Variants in DNAJC5 observed in about 807,000 individuals in gnomAD.
The protein encoded by DNAJC5 is dnaJ homolog subfamily C member 5.
Under a neutral mutation model 23.2 loss-of-function variants are expected in DNAJC5, and 1 was observed. That is an observed-to-expected ratio of 0.04 (90% CI 0.02 to 0.20). DNAJC5 has a LOEUF of 0.20. Among genes scored for constraint, DNAJC5 ranks in the 10% least tolerant of loss-of-function variants. DNAJC5 has a pLI of 1.00. For synonymous variants in DNAJC5, 136 were observed against 120.0 expected, an observed-to-expected ratio of 1.13 and a Z score of -0.87; for missense variants, 180 against 267.0, an observed-to-expected ratio of 0.67 and a Z score of 2.27.
chr20:63,913,552 A>G (rs747891525), intron 1 of DNAJC5, among the ~76,000 whole-genome samples: 1 of 150,364 alleles, frequency 6.7e-6, no homozygotes, highest in Non-Finnish European at 1.5e-5. Flanking sequence ...GTGCACTACC[A>G]TACCTGGCTG....
At chr20:63,908,946 AC>A (rs1197570440) in intron 1 of DNAJC5, 1 of 151,938 alleles carries the variant, frequency 6.6e-6, no homozygotes, top group Non-Finnish European at 1.5e-5. Flanking sequence ...TATTAAAAAT[AC>A]AAAAATCATA....
At position 63,929,699 on chromosome 20, in the gene DNAJC5, G is replaced by T. The variant is rs1485535325; in HGVS notation, c.321+174G>T. ...CCGTGCGGGCACCCGAGTCACTCCT[G>T]CCGTGCGGGCGCCCGAGTCACTCCT... On this transcript the variant is annotated intron_variant, in intron 3 of 4. Coordinates refer to ENST00000360864, the MANE Select transcript of DNAJC5 (RefSeq NM_025219.3). The surrounding 1 kb of genome is among the most constrained non-coding windows in gnomAD (Gnocchi z 8.6). 1.3e-5 allele frequency among the ~76,000 whole-genome samples: 2 copies of T among 149,236 alleles called. No individual in the cohort carries two copies. The highest frequency in any genetic ancestry group is 3.0e-5 in the Non-Finnish European group (2 of 67,440).
Position 63,933,158 on chromosome 20 carries a change from T to G in DNAJC5, c.*1590T>G, listed in dbSNP as rs1233250967. On this transcript the variant is annotated 3_prime_UTR_variant, in exon 5 of 5. Coordinates refer to ENST00000360864, the MANE Select transcript of DNAJC5 (RefSeq NM_025219.3). ...AGGAGGAGGCTGTGTGTGATGGCTC[T>G]GGCTCGGACCAACCAGATGAGCCTC... 1 of 152,532 alleles carries G rather than the reference T, an allele frequency of 6.6e-6. No individual in the cohort carries two copies. The highest frequency in any genetic ancestry group is 1.5e-5 in the Non-Finnish European group (1 of 68,158). 9.4% of individuals were successfully genotyped at this position (152,532 alleles called of 1,614,324 possible). A position where few individuals can be genotyped will look rare whatever the true frequency, so the allele number is the denominator to read the frequency against.
intron 1 of DNAJC5, among the ~76,000 whole-genome samples, chr20:63,912,303 CAAAAAAAAAA>C (rs1053866580): frequency 1.1e-5 from 1 of 92,380 alleles, no homozygotes; most frequent in African/African-American, 4.0e-5. Context: ...AATCGGTCTC[CAAAAAAAAAA>C]AAAAAAGAGT....
In DNAJC5 at chr20:63,928,865, G is replaced by C. The variant is rs189094679; in HGVS notation, c.107+413G>C. Among the ~76,000 whole-genome samples, 253 of 152,292 alleles carry C rather than the reference G, an allele frequency of 1.7e-3. No homozygotes were observed. Among genetic ancestry groups the C allele is most frequent in the Middle Eastern group, 6.8e-3 (2 of 294 alleles). On this transcript the variant is annotated intron_variant, in intron 2 of 4. Coordinates refer to ENST00000360864, the MANE Select transcript of DNAJC5 (RefSeq NM_025219.3). This position sits in a 1 kb window ranked among gnomAD's most constrained non-coding sequence, Gnocchi z 4.6. ...CTGCACTCTTGGGTACAGTTTCATT[G>C]AGTAACCTGTAAGAGACACCATCAC...
chr20:63,915,164 C>T (rs543707330), intron 1 of DNAJC5, among the ~76,000 whole-genome samples: 1 of 152,200 alleles, frequency 6.6e-6, no homozygotes, highest in East Asian at 1.9e-4. Flanking sequence ...TTGCCAAGCC[C>T]AGGCCAACTC....
chr20:63,931,040 G>T lies in DNAJC5; in HGVS notation c.493+18G>T. The T allele has an allele frequency of 1.2e-6, 2 of 1,612,720 alleles. No individual in the cohort carries two copies. The highest frequency in any genetic ancestry group is 1.1e-5 in the South Asian group (1 of 91,062). On this transcript the variant is annotated intron_variant, in intron 4 of 4. Transcript: ENST00000360864. This position sits in a 1 kb window ranked among gnomAD's most constrained non-coding sequence, Gnocchi z 9.6. The stretch of plus-strand genomic sequence containing the variant: ...CGAGAGGGGTGAGTGCCCGCCCCAG[G>T]GCCCGTGTGTGTGTGTGGGGCAGAG...
intron 1 of DNAJC5, among the ~76,000 whole-genome samples, chr20:63,910,912 G>T (rs922480079): frequency 5.3e-5 from 8 of 152,082 alleles, no homozygotes; most frequent in Non-Finnish European, 1.2e-4. Context: ...CTCATGATCC[G>T]CCTGCCTTGG....
chr20:63,903,536 T>A (rs1367410193), intron 1 of DNAJC5, among the ~76,000 whole-genome samples: 1 of 152,166 alleles, frequency 6.6e-6, no homozygotes, highest in Non-Finnish European at 1.5e-5. Flanking sequence ...CTCGATCTCT[T>A]GACCTCATGG....
At chr20:63,912,689 C>T (rs1346841407) in intron 1 of DNAJC5, among the ~76,000 whole-genome samples, 1 of 152,174 alleles carries the variant, frequency 6.6e-6, no homozygotes, top group Non-Finnish European at 1.5e-5. Context: ...CTCACTGCAA[C>T]CTCCAACTCC....
chr20:63,901,543 C>T (rs559848430), intron 1 of DNAJC5, among the ~76,000 whole-genome samples: 3 of 152,364 alleles, frequency 2.0e-5, no homozygotes, highest in South Asian at 4.1e-4. Flanking sequence ...TGCGTCCGCG[C>T]GCTCCACATC....
intron 1 of DNAJC5, among the ~76,000 whole-genome samples, chr20:63,911,323 G>T (rs1488918891): frequency 1.3e-5 from 2 of 152,180 alleles, no homozygotes; most frequent in African/African-American, 2.4e-5. Flanking sequence ...TTCCTCAGGT[G>T]TGGCCGCTGG....
chr20:63,908,115 A>C (rs920354450), intron 1 of DNAJC5, among the ~76,000 whole-genome samples: 2 of 152,016 alleles, frequency 1.3e-5, no homozygotes, highest in African/African-American at 4.8e-5. Context: ...AAATTGGTGC[A>C]CCTTATACTT....
At chr20:63,915,905 A>G (rs1488043623) in intron 1 of DNAJC5, among the ~76,000 whole-genome samples, 3 of 152,240 alleles carry the variant, frequency 2.0e-5, no homozygotes, top group Admixed American at 1.3e-4. Flanking sequence ...AGTAAAGGAA[A>G]TCACAGAACA....
At chr20:63,917,179 C>T (rs558303042) in intron 1 of DNAJC5, among the ~76,000 whole-genome samples, 1 of 152,326 alleles carries the variant, frequency 6.6e-6, no homozygotes, top group Non-Finnish European at 1.5e-5. Context: ...TGTTCCTTTG[C>T]CACAGCTCCA....
At chr20:63,905,688 G>T (rs2053444411) in intron 1 of DNAJC5, among the ~76,000 whole-genome samples, 1 of 151,052 alleles carries the variant, frequency 6.6e-6, no homozygotes, top group South Asian at 2.1e-4. Context: ...TCCTGCCTCA[G>T]CCTCCCGAGT....
chr20:63,915,965 G>A (rs6062583), intron 1 of DNAJC5, among the ~76,000 whole-genome samples: 8,306 of 152,192 alleles, frequency 0.055, 447 homozygotes, highest in East Asian at 0.23. Context: ...GCAGAGTCTC[G>A]CTTTGTCACT....
intron 1 of DNAJC5, among the ~76,000 whole-genome samples, chr20:63,917,866 A>G (rs190451756): frequency 4.6e-5 from 7 of 152,256 alleles, no homozygotes; most frequent in Non-Finnish European, 1.0e-4. Context: ...TGTACCTAGT[A>G]GTGCTCTGTG....
Position 63,934,638 on chromosome 20 carries a change from T to G in DNAJC5, c.*3070T>G, listed in dbSNP as rs1349301643. 1 of 152,306 alleles carries G rather than the reference T, an allele frequency of 6.6e-6. No individual in the cohort carries two copies. The highest frequency in any genetic ancestry group is 2.4e-5 in the African/African-American group (1 of 41,482). 9.4% of individuals were successfully genotyped at this position (152,306 alleles called of 1,614,324 possible). ...TTTGTCTTCCTTTTGGCTTTATTTT[T>G]AAACTGCTTTAGATATTACTGCTCA... On this transcript the variant is annotated 3_prime_UTR_variant, in exon 5 of 5. Coordinates refer to ENST00000360864, the MANE Select transcript of DNAJC5 (RefSeq NM_025219.3).
Sources: gnomAD v4.1 joint callset for allele counts (sites outside exome capture counted in the v4.1 genomes callset) on GRCh38, gnomAD v4.1.1 for gene constraint, Gnocchi (gnomAD v3.1) non-coding constraint, MANE v1.5 for transcripts, NCBI Gene and HGNC (gene_info 2026-07-23, HGNC 2026-07-21) for gene names.